The following SKIL variants were observed in gnomAD, a reference collection of about 807,000 sequenced individuals.
SKIL encodes SKI like proto-oncogene.
In SKIL, 20 loss-of-function variants were observed where a neutral mutation model predicts 69.6. The observed-to-expected ratio is 0.29, with a 90% CI of 0.20 to 0.42. SKIL has a LOEUF of 0.42. Ranked by LOEUF, SKIL falls within the 10% of genes least tolerant of loss-of-function variation. The probability of loss-of-function intolerance (pLI) is 1.00; values close to 1 mark genes in which losing one functional copy is unlikely to be tolerated. For synonymous variants in SKIL, 310 were observed against 279.9 expected (o/e 1.11, Z -1.08); for missense variants, 745 against 783.1 (o/e 0.95, Z 0.58).
intron 2 of SKIL, among the ~76,000 whole-genome samples, chr3:170,362,264 G>A (rs1330564624): frequency 1.3e-5 from 2 of 152,118 alleles, no homozygotes; most frequent in African/African-American, 4.8e-5. Flanking sequence ...ACACTTTGGG[G>A]GGCTGAAGTA....
intron 2 of SKIL, among the ~76,000 whole-genome samples, chr3:170,372,999 T>C (rs1736862436): frequency 6.6e-6 from 1 of 150,376 alleles, no homozygotes; most frequent in African/African-American, 2.4e-5. Context: ...TTTTTTTTTT[T>C]TTTTTTGAGA....
intron 3 of SKIL, among the ~76,000 whole-genome samples, chr3:170,383,856 G>A (rs2108217669): frequency 6.6e-6 from 1 of 152,204 alleles, no homozygotes; most frequent in East Asian, 1.9e-4. Flanking sequence ...TGGTGGGCAA[G>A]ATAAAGTCCT....
rs541166783 is a variant in SKIL, at chr3:170,387,933, CAAAAAAAAAA to C, written c.1430-2275_1430-2266del. Among the ~76,000 whole-genome samples, 10 of 51,088 alleles carry C rather than the reference CAAAAAAAAAA, an allele frequency of 2.0e-4. No homozygotes were observed. In the East Asian group the frequency reaches 5.9e-3, roughly 30 times the overall value. 33.5% of individuals were successfully genotyped at this position (51,088 alleles called of 152,430 possible). ...TGGGCGACAGAGCGAGACTCCGTCT[CAAAAAAAAAA>C]AAAAAAAAAAAAAAGAATAATGCTG... On this transcript the variant is annotated intron_variant, in intron 4 of 6. Coordinates refer to ENST00000259119, the MANE Select transcript of SKIL (RefSeq NM_005414.5).
At chr3:170,376,836 A>G (rs533437916) in intron 2 of SKIL, among the ~76,000 whole-genome samples, 1 of 152,316 alleles carries the variant, frequency 6.6e-6, no homozygotes, top group Non-Finnish European at 1.5e-5. Flanking sequence ...TTGGCCTCCC[A>G]AAGTGCTAGG....
chr3:170,371,039 T>G (rs1180102714), intron 2 of SKIL, among the ~76,000 whole-genome samples: 1 of 152,196 alleles, frequency 6.6e-6, no homozygotes, highest in Admixed American at 6.5e-5. Flanking sequence ...TGTGTGATTA[T>G]GAAAACAATA....
At chr3:170,390,558 C>T in intron 5 of SKIL, 94 bp downstream of exon 5, 1 of 939,042 alleles carries the variant, frequency 1.1e-6, no homozygotes, top group East Asian at 2.6e-5. Context: ...GCAGTCTCAG[C>T]TCACTGAAAC....
chr3:170,374,678 G>T (rs944294661), intron 2 of SKIL, among the ~76,000 whole-genome samples: 2 of 152,126 alleles, frequency 1.3e-5, no homozygotes, highest in African/African-American at 4.8e-5. Context: ...ATGTTTTGTT[G>T]TATCATAAAC....
At position 170,394,954 on chromosome 3, in the gene SKIL, CTT is replaced by C. The variant is rs1460737406; in HGVS notation, c.*2539_*2540del. 3 of 152,054 alleles carry C rather than the reference CTT, an allele frequency of 2.0e-5. No homozygotes were observed. Among genetic ancestry groups the C allele is most frequent in the African/African-American group, 7.2e-5 (3 of 41,398 alleles). The allele number at this position is 152,054 out of a possible 1,614,324, so 9.4% of individuals were successfully genotyped here. A position where few individuals can be genotyped will look rare whatever the true frequency, so the allele number is the denominator to read the frequency against. On this transcript the variant is annotated 3_prime_UTR_variant, in exon 7 of 7. Coordinates refer to ENST00000259119, the MANE Select transcript of SKIL (RefSeq NM_005414.5). Reference sequence around the variant, plus strand: ...GCTTAAAGTTTGATTTGTTGTTACTCTTTGTGTGCCAAATTCACTAGGCAAGC... The same window carrying C: ...GCTTAAAGTTTGATTTGTTGTTACTCTGTGTGCCAAATTCACTAGGCAAGC...
intron 3 of SKIL, among the ~76,000 whole-genome samples, chr3:170,383,571 C>CA (rs1737467479): frequency 6.6e-6 from 1 of 152,160 alleles, no homozygotes; most frequent in Non-Finnish European, 1.5e-5. Context: ...GAGTTTTGGT[C>CA]AAAATTGGTA....
At chr3:170,371,775 A>C (rs186836788) in intron 2 of SKIL, among the ~76,000 whole-genome samples, 2 of 152,338 alleles carry the variant, frequency 1.3e-5, no homozygotes, top group African/African-American at 4.8e-5. Context: ...GCCTTGGGGC[A>C]TTTTAAATTC....
chr3:170,375,570 T>C (rs966616914), intron 2 of SKIL, among the ~76,000 whole-genome samples: 1 of 152,158 alleles, frequency 6.6e-6, no homozygotes, highest in Non-Finnish European at 1.5e-5. Flanking sequence ...AGTAATTTTA[T>C]ATTTTTTTCT....
chr3:170,363,742 C>T (rs1473106477), intron 2 of SKIL, among the ~76,000 whole-genome samples: 2 of 152,168 alleles, frequency 1.3e-5, no homozygotes, highest in Admixed American at 6.5e-5. Context: ...GCCTTGGCTT[C>T]TCAAAGTGCT....
chr3:170,375,228 C>T (rs1736976254), intron 2 of SKIL, among the ~76,000 whole-genome samples: 1 of 152,120 alleles, frequency 6.6e-6, no homozygotes, highest in Admixed American at 6.5e-5. Context: ...TAGTCTGACT[C>T]TTACTGGGTT....
chr3:170,377,527 C>A (rs1250010884), intron 2 of SKIL, among the ~76,000 whole-genome samples: 4 of 135,804 alleles, frequency 2.9e-5, no homozygotes, highest in South Asian at 2.5e-4. Context: ...ATTTCAAATT[C>A]ATTGCTCAAT....
intron 2 of SKIL, among the ~76,000 whole-genome samples, chr3:170,380,724 G>A (rs1021246490): frequency 2.0e-5 from 3 of 152,104 alleles, no homozygotes; most frequent in African/African-American, 7.2e-5. Context: ...CTCCATGTTA[G>A]CATGCATACT....
At chr3:170,373,480 C>T (rs1736884075) in intron 2 of SKIL, among the ~76,000 whole-genome samples, 1 of 152,114 alleles carries the variant, frequency 6.6e-6, no homozygotes, top group Non-Finnish European at 1.5e-5. Flanking sequence ...GCCTGGCCTT[C>T]CGGCTCATAT....
At chr3:170,370,188 G>A (rs1035179271) in intron 2 of SKIL, among the ~76,000 whole-genome samples, 9 of 152,036 alleles carry the variant, frequency 5.9e-5, no homozygotes, top group African/African-American at 2.2e-4. Flanking sequence ...GCAGTGAGCC[G>A]AGATCGCGCC....
rs1371231947 is a variant in SKIL at position 170,361,138 on chromosome 3, A to G, written c.807A>G (p.Leu269=). The change falls in exon 2 of 7, where the codon CTA becomes CTG. Residue 269 remains leucine (L), a synonymous_variant. Transcript: ENST00000259119. The part of the protein sequence containing the change: ...GSAFEVEHEC[L]GKCQGLFAPQ... ...CCTTTGAAGTGGAGCATGAATGCCT[A>G]GGCAAATGTCAGGGTTTATTTGCAC... is the stretch of plus-strand genomic sequence containing the variant. 27 of 1,614,226 alleles carry G rather than the reference A, an allele frequency of 1.7e-5. No homozygotes were observed. Among genetic ancestry groups the G allele is most frequent in the African/African-American group, 2.7e-5 (2 of 75,052 alleles).
intron 2 of SKIL, among the ~76,000 whole-genome samples, chr3:170,372,357 A>G (rs1346607073): frequency 6.6e-6 from 1 of 152,216 alleles, no homozygotes; most frequent in African/African-American, 2.4e-5. Context: ...ATGATCTTTC[A>G]GCCTGTGGAA....
Sources: allele counts gnomAD v4.1 joint callset (sites outside exome capture counted in the v4.1 genomes callset), GRCh38; gene constraint gnomAD v4.1.1; transcripts MANE v1.5; gene names NCBI Gene and HGNC (gene_info 2026-07-23, HGNC 2026-07-21).